NEGR1: variants seen among roughly 807,000 people sequenced by gnomAD.
NEGR1 encodes the protein neuronal growth regulator 1, also known as IgLON family member 4.
In NEGR1, 10 loss-of-function variants were observed where a neutral mutation model predicts 40.9. That is an observed-to-expected ratio of 0.24 (90% CI 0.15 to 0.42). The LOEUF is 0.42. Among genes scored for constraint, NEGR1 ranks in the 10% least tolerant of loss-of-function variants. The pLI is 1.00. For synonymous variants in NEGR1, 185 were observed against 166.8 expected (o/e 1.11, Z -0.84); for missense variants, 352 against 438.9 (o/e 0.80, Z 1.77).
chr1:72,216,106 G>A (rs952808333), intron 1 of NEGR1, among the ~76,000 whole-genome samples: 1 of 151,666 alleles, frequency 6.6e-6, no homozygotes, highest in Non-Finnish European at 1.5e-5. Flanking sequence ...ACTAACACAG[G>A]AACAGAAAAG....
At chr1:71,575,526 G>C (rs1406327786) in intron 6 of NEGR1, among the ~76,000 whole-genome samples, 1 of 152,232 alleles carries the variant, frequency 6.6e-6, no homozygotes, top group East Asian at 1.9e-4. Context: ...GCTCATGCCT[G>C]TAATCCCAGT....
At chr1:72,199,142 T>TAGATAGAGAGAGAG (rs1268615373) in intron 1 of NEGR1, among the ~76,000 whole-genome samples, 1 of 143,066 alleles carries the variant, frequency 7.0e-6, no homozygotes, top group Non-Finnish European at 1.5e-5. Context: ...TCTATCTAGA[T>TAGATAGAGAGAGAG]AGACAGACAG....
rs889078092 is a variant in NEGR1, at chr1:71,897,262, T to G, written c.409+37817A>C. Among the ~76,000 whole-genome samples, 3 of 152,280 alleles carry G rather than the reference T, an allele frequency of 2.0e-5. No homozygotes were observed. The East Asian group carries it at 5.8e-4, about 29-fold the overall frequency. ...ATCAGATTCTCTCCATTTCCCGACA[T>G]GAATATCTTGTAAAGACTAAGCTCA... On this transcript the variant is annotated intron_variant, in intron 2 of 6. Transcript: ENST00000357731.
intron 1 of NEGR1, among the ~76,000 whole-genome samples, chr1:71,964,738 C>T (rs12026691): frequency 0.43 from 65,465 of 151,816 alleles, 14,704 homozygotes; most frequent in Middle Eastern, 0.58. Flanking sequence ...TATCAATGAA[C>T]ACATAGCTAC....
chr1:71,717,749 A>C (rs764138014), intron 3 of NEGR1, among the ~76,000 whole-genome samples: 1 of 152,218 alleles, frequency 6.6e-6, no homozygotes, highest in African/African-American at 2.4e-5. Flanking sequence ...ATTTGCTGGT[A>C]GGGTCCTTAA....
At chr1:71,894,699 C>G (rs1287319468) in intron 2 of NEGR1, among the ~76,000 whole-genome samples, 3 of 152,208 alleles carry the variant, frequency 2.0e-5, no homozygotes, top group African/African-American at 7.2e-5. Context: ...ACTTGTCAAT[C>G]CTTCTTTAAC....
intron 4 of NEGR1, among the ~76,000 whole-genome samples, chr1:71,643,024 G>A (rs1223172234): frequency 6.6e-6 from 1 of 151,954 alleles, no homozygotes; most frequent in African/African-American, 2.4e-5. Flanking sequence ...AGACAAAGGA[G>A]TAAAACCATA....
intron 1 of NEGR1, among the ~76,000 whole-genome samples, chr1:72,150,988 TAAAC>T (rs944745481): frequency 4.6e-5 from 7 of 151,222 alleles, no homozygotes; most frequent in East Asian, 3.9e-4. Context: ...TATTAAAAAA[TAAAC>T]AAATAAACAA....
chr1:71,741,773 T>C (rs1250487122), intron 3 of NEGR1, among the ~76,000 whole-genome samples: 2 of 152,116 alleles, frequency 1.3e-5, no homozygotes, highest in African/African-American at 4.8e-5. Flanking sequence ...GCTCAGCTTC[T>C]GGGGAGGCCT....
At chr1:72,197,209 T>C (rs993440875) in intron 1 of NEGR1, among the ~76,000 whole-genome samples, 1 of 151,986 alleles carries the variant, frequency 6.6e-6, no homozygotes, top group African/African-American at 2.4e-5. Context: ...GTCCTAAAAG[T>C]TAATTTTAAT....
chr1:71,762,403 T>C (rs930852369), intron 3 of NEGR1, among the ~76,000 whole-genome samples: 4 of 152,092 alleles, frequency 2.6e-5, no homozygotes, highest in Admixed American at 2.0e-4. Flanking sequence ...AATGCATATG[T>C]TGTATCAACT....
At chr1:72,006,343 GA>G (rs1487039619) in intron 1 of NEGR1, among the ~76,000 whole-genome samples, 2 of 152,160 alleles carry the variant, frequency 1.3e-5, no homozygotes, top group East Asian at 3.9e-4. Flanking sequence ...AGGCCTTCTG[GA>G]CCACGTAGGT....
intron 1 of NEGR1, among the ~76,000 whole-genome samples, chr1:72,240,678 T>G (rs1464094236): frequency 1.3e-5 from 2 of 151,876 alleles, no homozygotes; most frequent in Admixed American, 6.6e-5. Context: ...TCAAGTGTTT[T>G]GCCTGTTGAT....
intron 3 of NEGR1, among the ~76,000 whole-genome samples, chr1:71,711,097 G>C (rs1654065491): frequency 6.6e-6 from 1 of 151,772 alleles, no homozygotes; most frequent in South Asian, 2.1e-4. Context: ...ACACCCAATG[G>C]GAGGCTGAGG....
At chr1:71,979,044 C>T (rs1646332020) in intron 1 of NEGR1, among the ~76,000 whole-genome samples, 2 of 152,012 alleles carry the variant, frequency 1.3e-5, no homozygotes. Flanking sequence ...AGAATGAAAC[C>T]ATGTCCTTTG....
intron 2 of NEGR1, among the ~76,000 whole-genome samples, chr1:71,910,219 A>G (rs1280822630): frequency 6.6e-6 from 1 of 152,226 alleles, no homozygotes; most frequent in Admixed American, 6.5e-5. Context: ...AACTTTGAAT[A>G]AGGCATCATC....
At chr1:71,564,818 A>G (rs1399361240) in intron 6 of NEGR1, among the ~76,000 whole-genome samples, 1 of 152,152 alleles carries the variant, frequency 6.6e-6, no homozygotes, top group Admixed American at 6.5e-5. Context: ...TGACTCAGCT[A>G]TAAAAAGATT....
At chr1:71,922,086 G>C (rs1367677455) in intron 2 of NEGR1, among the ~76,000 whole-genome samples, 1 of 152,118 alleles carries the variant, frequency 6.6e-6, no homozygotes, top group Non-Finnish European at 1.5e-5. Flanking sequence ...CACTGCCAGA[G>C]CCCACAGGTC....
chr1:71,569,200 G>A (rs1648734066), intron 6 of NEGR1, among the ~76,000 whole-genome samples: 1 of 152,146 alleles, frequency 6.6e-6, no homozygotes, highest in Non-Finnish European at 1.5e-5. Context: ...ACAGGTGTGA[G>A]CCACTGTACC....
Sources: allele counts gnomAD v4.1 joint callset (sites outside exome capture counted in the v4.1 genomes callset), GRCh38; gene constraint gnomAD v4.1.1; transcripts MANE v1.5; gene names NCBI Gene and HGNC (gene_info 2026-07-23, HGNC 2026-07-21).